The following GOLM2 variants were observed in gnomAD, a reference collection of about 807,000 sequenced individuals.
GOLM2 encodes golgi membrane protein 2.
A neutral mutation model predicts 55.9 loss-of-function variants in GOLM2; 26 were observed. The ratio of observed to expected loss-of-function variants is 0.47; its 90% CI spans 0.34 to 0.65. The LOEUF (loss-of-function observed/expected upper bound fraction) is 0.65. Ranked by LOEUF, GOLM2 falls within the 30% of genes least tolerant of loss-of-function variation. The probability of loss-of-function intolerance (pLI) is 0.01; values close to 1 mark genes in which losing one functional copy is unlikely to be tolerated. For missense variants in GOLM2, 486 were observed against 531.8 expected (o/e 0.91, Z 0.85); for synonymous variants, 165 against 194.6 (o/e 0.85, Z 1.27).
intron 6 of GOLM2, among the ~76,000 whole-genome samples, chr15:44,359,643 G>A (rs2079223000): frequency 6.6e-6 from 1 of 152,160 alleles, no homozygotes; most frequent in South Asian, 2.1e-4. Context: ...ATATTATCCA[G>A]GAGAACTTCC....
intron 6 of GOLM2, among the ~76,000 whole-genome samples, chr15:44,370,809 G>A (rs2079324875): frequency 6.6e-6 from 1 of 152,062 alleles, no homozygotes; most frequent in Admixed American, 6.6e-5. Flanking sequence ...ACAAGTGTGT[G>A]CCAGCATGCC....
intron 1 of GOLM2, among the ~76,000 whole-genome samples, chr15:44,316,786 A>G (rs951158274): frequency 7.9e-5 from 12 of 151,476 alleles, no homozygotes; most frequent in African/African-American, 1.7e-4. Flanking sequence ...GAGCTAAAAG[A>G]CCAGACTGGG....
intron 3 of GOLM2, among the ~76,000 whole-genome samples, chr15:44,330,208 T>TAAAAAAAA (rs746756627): frequency 1.2e-5 from 1 of 81,482 alleles, no homozygotes; most frequent in Non-Finnish European, 2.3e-5. Flanking sequence ...CTTGTCTCTT[T>TAAAAAAAA]AAAAAAAAAA....
chr15:44,299,733 G>C lies in GOLM2; in HGVS notation c.327+10377G>C, dbSNP rs186211058. Among the ~76,000 whole-genome samples, 31 of 151,978 alleles carry C rather than the reference G, an allele frequency of 2.0e-4. No homozygotes were observed. In the East Asian group the frequency reaches 5.0e-3, roughly 25 times the overall value. On this transcript the variant is annotated intron_variant, in intron 1 of 9. Coordinates refer to ENST00000299957, the MANE Select transcript of GOLM2 (RefSeq NM_138423.4). ...GAGGATTCATGAAGTAAAATATTTA[G>C]AGGCCTGTCCCATACAAAGCTTGAC...
At chr15:44,401,829 CTTTT>C (rs754956674) in intron 8 of GOLM2, among the ~76,000 whole-genome samples, 2 of 119,688 alleles carry the variant, frequency 1.7e-5, no homozygotes. Context: ...TTCTTGATTT[CTTTT>C]TTTTTTTTTT....
chr15:44,306,475 CTT>C (rs1038378006), intron 1 of GOLM2, among the ~76,000 whole-genome samples: 3 of 152,260 alleles, frequency 2.0e-5, no homozygotes, highest in African/African-American at 7.2e-5. Flanking sequence ...ACCATGGAAA[CTT>C]TCTCCATATC....
intron 1 of GOLM2, among the ~76,000 whole-genome samples, chr15:44,290,894 C>T (rs2078716342): frequency 6.6e-6 from 1 of 151,956 alleles, no homozygotes; most frequent in Non-Finnish European, 1.5e-5. Context: ...CTCCGCCCCC[C>T]CGGGGTTCAA....
At chr15:44,361,778 A>G (rs1010219526) in intron 6 of GOLM2, among the ~76,000 whole-genome samples, 4 of 152,214 alleles carry the variant, frequency 2.6e-5, no homozygotes, top group East Asian at 1.9e-4. Context: ...CTTGCTGAAC[A>G]TCGATGCAAA....
At chr15:44,326,263 CAAAA>C (rs569803247) in intron 2 of GOLM2, among the ~76,000 whole-genome samples, 4 of 59,768 alleles carry the variant, frequency 6.7e-5, no homozygotes, top group Admixed American at 1.9e-4. Context: ...GACTCTGTCT[CAAAA>C]AAAAAAAAAA....
rs1313721915 is a variant in GOLM2, at chr15:44,376,639, C to T, written c.803-3051C>T. Among the ~76,000 whole-genome samples, 3 of 152,048 alleles carry T rather than the reference C, an allele frequency of 2.0e-5. No individual in the cohort carries two copies. The East Asian group carries it at 5.8e-4, about 29-fold the overall frequency. ...TTTTTGTGGAGGAAAAAAATAGATACTTGTATATGTATACACAAGTATCTC... is the reference window on the plus strand; with the variant it reads ...TTTTTGTGGAGGAAAAAAATAGATATTTGTATATGTATACACAAGTATCTC... On this transcript the variant is annotated intron_variant, in intron 6 of 9. Coordinates refer to ENST00000299957, the MANE Select transcript of GOLM2 (RefSeq NM_138423.4).
At chr15:44,319,205 A>G (rs556872307) in intron 1 of GOLM2, among the ~76,000 whole-genome samples, 1 of 152,080 alleles carries the variant, frequency 6.6e-6, no homozygotes, top group South Asian at 2.1e-4. Context: ...CTGTTGTGTT[A>G]TCCTCAGTTT....
At chr15:44,333,339 T>C (rs2079034906) in intron 4 of GOLM2, among the ~76,000 whole-genome samples, 1 of 152,258 alleles carries the variant, frequency 6.6e-6, no homozygotes, top group South Asian at 2.1e-4. Flanking sequence ...TTTGTTTTGC[T>C]CTTTGGTAGC....
chr15:44,409,126 TAC>T (rs1433048033), intron 9 of GOLM2, among the ~76,000 whole-genome samples: 1 of 145,432 alleles, frequency 6.9e-6, no homozygotes, highest in Non-Finnish European at 1.5e-5. Flanking sequence ...CTACTAAAAA[TAC>T]AAAAAATTAG....
intron 1 of GOLM2, among the ~76,000 whole-genome samples, chr15:44,315,432 C>A (rs927918651): frequency 2.6e-5 from 4 of 152,112 alleles, no homozygotes; most frequent in Non-Finnish European, 5.9e-5. Flanking sequence ...AGCAACTGAG[C>A]TGTTAAGAGC....
chr15:44,290,049 G>A (rs1017459241), intron 1 of GOLM2, among the ~76,000 whole-genome samples: 1 of 152,224 alleles, frequency 6.6e-6, no homozygotes, highest in African/African-American at 2.4e-5. Context: ...GCAGTGGAAT[G>A]TCATGTCAGT....
At chr15:44,319,104 C>T (rs2078931882) in intron 1 of GOLM2, among the ~76,000 whole-genome samples, 1 of 152,106 alleles carries the variant, frequency 6.6e-6, no homozygotes, top group Non-Finnish European at 1.5e-5. Context: ...TCTGTAGAAC[C>T]GAATGATAGC....
intron 2 of GOLM2, among the ~76,000 whole-genome samples, chr15:44,325,413 C>G (rs1186700226): frequency 6.6e-6 from 1 of 152,114 alleles, no homozygotes; most frequent in Non-Finnish European, 1.5e-5. Context: ...AGATGAATTT[C>G]AAATACCATC....
chr15:44,289,136 C>T lies in GOLM2; in HGVS notation c.107C>T (p.Ser36Phe), dbSNP rs776392025. ...VVLAFNYWSI[S>F]SRHVLLQEEV... ...CTCGCCTTCAACTACTGGAGCATCT[C>T]CTCCCGCCACGTCCTGCTTCAGGAG... Residue 36 changes from serine to phenylalanine, a missense_variant, in exon 1 of 10, where the codon TCC (serine) becomes TTC (phenylalanine). Coordinates refer to ENST00000299957, the MANE Select transcript of GOLM2 (RefSeq NM_138423.4). The surrounding 1 kb of genome is among the most constrained non-coding windows in gnomAD (Gnocchi z 4.8). The T allele has an allele frequency of 3.7e-6, 6 of 1,614,074 alleles. No homozygotes were observed. The highest frequency in any genetic ancestry group is 5.1e-6 in the Non-Finnish European group (6 of 1,180,028).
At chr15:44,409,779 G>A (rs2079624452) in intron 9 of GOLM2, 1 of 150,642 alleles carries the variant, frequency 6.6e-6, no homozygotes, top group South Asian at 2.1e-4. Context: ...ATCCGGGCAT[G>A]GTGGCGCACG....
Sources: allele counts gnomAD v4.1 joint callset (sites outside exome capture counted in the v4.1 genomes callset), GRCh38; gene constraint gnomAD v4.1.1; non-coding constraint Gnocchi (gnomAD v3.1); transcripts MANE v1.5; gene names NCBI Gene and HGNC (gene_info 2026-07-23, HGNC 2026-07-21).